COL2A1: variants seen among roughly 807,000 people sequenced by gnomAD.
COL2A1 encodes the protein collagen type II alpha 1 chain.
Under a neutral mutation model 204.5 loss-of-function variants are expected in COL2A1, and 28 were observed. The ratio of observed to expected loss-of-function variants is 0.14; its 90% CI spans 0.10 to 0.19. The LOEUF (loss-of-function observed/expected upper bound fraction) is 0.19. COL2A1 is among the 10% of genes least tolerant of loss of function. The pLI is 1.00. For synonymous variants in COL2A1, 708 were observed against 718.7 expected (o/e 0.99, Z 0.24); for missense variants, 1,388 against 2,027.5 (o/e 0.68, Z 6.06).
intron 53 of COL2A1, 126 bp downstream of exon 53, chr12:47,973,963 A>G: frequency 7.5e-7 from 1 of 1,335,104 alleles, no homozygotes. Context: ...TCTCTACATG[A>G]CCCTCAAACT....
chr12:47,975,658 T>C (rs1234912633), intron 50 of COL2A1, 53 bp from the exon 51 acceptor site: 12 of 1,570,006 alleles, frequency 7.6e-6, no homozygotes, highest in Non-Finnish European at 1.0e-5. Context: ...TGCCCCTCCA[T>C]GTCCATCCCC....
chr12:47,992,854 T>C (rs780790614), intron 16 of COL2A1, 24 bp downstream of exon 16: 4 of 1,613,198 alleles, frequency 2.5e-6, no homozygotes, highest in Non-Finnish European at 3.4e-6. Context: ...CAAATGGTGG[T>C]GTTTGGCTTT....
intron 17 of COL2A1, among the ~76,000 whole-genome samples, 159 bp from the exon 18 acceptor site, chr12:47,989,440 C>T (rs745460669): frequency 2.0e-5 from 3 of 152,166 alleles, no homozygotes; most frequent in Non-Finnish European, 2.9e-5. Flanking sequence ...CCATTGCCAG[C>T]GTCCCCAGGA....
chr12:47,991,472 G>A (rs1223177936), intron 16 of COL2A1, among the ~76,000 whole-genome samples: 1 of 152,168 alleles, frequency 6.6e-6, no homozygotes, highest in African/African-American at 2.4e-5. Context: ...GCCCCCTTCT[G>A]GAAGTCAAGG....
intron 14 of COL2A1, 61 bp downstream of exon 14, chr12:47,993,748 G>A: frequency 1.3e-6 from 2 of 1,575,354 alleles, no homozygotes; most frequent in South Asian, 2.2e-5. Flanking sequence ...TCCCTGGCTA[G>A]GAAGAGGGGC....
In COL2A1 at chr12:47,975,737, G is replaced by A. The variant is rs1410855888; in HGVS notation, c.3598-132C>T. On this transcript the variant is annotated intron_variant, in intron 50 of 53. Coordinates refer to ENST00000380518, the MANE Select transcript of COL2A1 (RefSeq NM_001844.5). ...GGTGGGGCGGAGGTGTAGCAGGCGAGGACCAAGGAAACCACAGCACCATGT... is the reference window on the plus strand; with the variant it reads ...GGTGGGGCGGAGGTGTAGCAGGCGAAGACCAAGGAAACCACAGCACCATGT... The A allele has an allele frequency of 1.2e-5, 12 of 1,010,320 alleles. No individual in the cohort carries two copies. The South Asian group carries it at 1.7e-4, about 15-fold the overall frequency. 62.6% of individuals were successfully genotyped at this position (1,010,320 alleles called of 1,614,324 possible). A position where few individuals can be genotyped will look rare whatever the true frequency, so the allele number is the denominator to read the frequency against.
rs1240111200 is a variant in COL2A1, at chr12:47,989,825, G to A, written c.1024-20C>T. ...GGCACCCTGTGAGCAAGAAGGAAGT[G>A]ACCATGAGAGGTGCCCACAGGCCCT... On this transcript the variant is annotated intron_variant, in intron 16 of 53. Coordinates refer to ENST00000380518, the MANE Select transcript of COL2A1 (RefSeq NM_001844.5). 10 of 1,612,250 alleles carry A rather than the reference G, an allele frequency of 6.2e-6. No individual in the cohort carries two copies. Among genetic ancestry groups the A allele is most frequent in the South Asian group, 1.1e-5 (1 of 91,062 alleles).
chr12:47,991,327 A>G (rs956331549), intron 16 of COL2A1, among the ~76,000 whole-genome samples: 1 of 152,174 alleles, frequency 6.6e-6, no homozygotes, highest in Non-Finnish European at 1.5e-5. Flanking sequence ...ATACAGGCCC[A>G]AGGGAGGGCA....
chr12:47,992,688 TTCCTA>T (rs759654318), intron 16 of COL2A1, among the ~76,000 whole-genome samples, 185 bp downstream of exon 16: 3 of 152,200 alleles, frequency 2.0e-5, no homozygotes, highest in Non-Finnish European at 4.4e-5. Context: ...GACCCTCCCA[TTCCTA>T]TCCTTCCTCC....
At position 47,973,521 on chromosome 12, in the gene COL2A1, G is replaced by A. The variant is rs137948104; in HGVS notation, c.4350C>T (p.Ile1450=). ...KHTGKWGKTV[I]EYRSQKTSRL... ...GTGAGGTCTTCTGTGACCGGTACTCGATAACAGTCTTGCCCCACTTACCGG... is the reference window on the plus strand; with the variant it reads ...GTGAGGTCTTCTGTGACCGGTACTCAATAACAGTCTTGCCCCACTTACCGG... The change falls in exon 54 of 54, where the codon ATC becomes ATT. Residue 1450 remains isoleucine (I), a synonymous_variant. Coordinates refer to ENST00000380518, the MANE Select transcript of COL2A1 (RefSeq NM_001844.5). 162 of 1,614,080 alleles carry A rather than the reference G, an allele frequency of 1.0e-4. 2 individuals carry two copies. In the African/African-American group the frequency reaches 1.8e-3, roughly 18 times the overall value.
chr12:47,999,368 C>T, intron 2 of COL2A1, among the ~76,000 whole-genome samples: 1 of 152,200 alleles, frequency 6.6e-6, no homozygotes, highest in Non-Finnish European at 1.5e-5. Context: ...TATTTTGCTT[C>T]TGAATTAATG....
chr12:47,978,159 C>A lies in COL2A1; in HGVS notation c.3004-42G>T. On this transcript the variant is annotated intron_variant, in intron 43 of 53. Transcript: ENST00000380518. The surrounding 1 kb of genome is among the most constrained non-coding windows in gnomAD (Gnocchi z 5.5). ...AAGGATGATGAGTGCAAGTGGTAAG[C>A]ACCCCTGCCCAGGGCCCACTGACCC... The A allele has an allele frequency of 2.5e-6, 4 of 1,591,762 alleles. No individual in the cohort carries two copies. The highest frequency in any genetic ancestry group is 3.4e-6 in the Non-Finnish European group (4 of 1,165,060).
intron 18 of COL2A1, chr12:47,988,557 G>A (rs368215674): frequency 7.5e-4 from 118 of 156,960 alleles, no homozygotes; most frequent in African/African-American, 2.4e-3. Flanking sequence ...TCCTTCACCC[G>A]GCTCCGGGAC....
rs553113384 is a variant in COL2A1, at chr12:47,991,039, A to T, written c.1024-1234T>A. Among the ~76,000 whole-genome samples the T allele has an allele frequency of 1.3e-4, 20 of 152,348 alleles. No individual in the cohort carries two copies. In the South Asian group the frequency reaches 3.5e-3, roughly 27 times the overall value. On this transcript the variant is annotated intron_variant, in intron 16 of 53. Transcript: ENST00000380518. ...GGCTGGGGTCCATTTCTCCTAACGG[A>T]GACTCTCCAGATTGGCATTTAAGAG...
intron 34 of COL2A1, 133 bp downstream of exon 34, chr12:47,982,369 G>A (rs73297185): frequency 1.3e-5 from 11 of 839,170 alleles, no homozygotes; most frequent in African/African-American, 8.4e-5. Flanking sequence ...TTGGAAAGGA[G>A]TCTTTAAGCT....
chr12:47,989,306 G>C, intron 17 of COL2A1, 25 bp from the exon 18 acceptor site: 1 of 1,607,980 alleles, frequency 6.2e-7, no homozygotes, highest in South Asian at 1.1e-5. Flanking sequence ...CGGATGAGAA[G>C]AGAGGTGAAT....
At chr12:47,989,441 G>A (rs1433136436) in intron 17 of COL2A1, among the ~76,000 whole-genome samples, 160 bp from the exon 18 acceptor site, 2 of 152,060 alleles carry the variant, frequency 1.3e-5, no homozygotes, top group African/African-American at 2.4e-5. Flanking sequence ...CATTGCCAGC[G>A]TCCCCAGGAA....
In COL2A1 at chr12:47,977,307, T is replaced by G. The variant is rs2136520947; in HGVS notation, c.3273+13A>C. 1 of 1,609,348 alleles carries G rather than the reference T, an allele frequency of 6.2e-7. No homozygotes were observed. Among genetic ancestry groups the G allele is most frequent in the Middle Eastern group, 1.7e-4 (1 of 6,052 alleles). ...CAGGGGAAGGCGGCTTTTACTGAATTCAGGATACTTACAGCTTCTCCTCTG... is the reference window on the plus strand; with the variant it reads ...CAGGGGAAGGCGGCTTTTACTGAATGCAGGATACTTACAGCTTCTCCTCTG... On this transcript the variant is annotated intron_variant, in intron 46 of 53. Coordinates refer to ENST00000380518, the MANE Select transcript of COL2A1 (RefSeq NM_001844.5).
At position 47,982,087 on chromosome 12, in the gene COL2A1, A is replaced by G. The variant is rs771885523; in HGVS notation, c.2355+20T>C. The G allele has an allele frequency of 4.3e-6, 7 of 1,612,818 alleles. No individual in the cohort carries two copies. The highest frequency in any genetic ancestry group is 5.9e-6 in the Non-Finnish European group (7 of 1,178,826). On this transcript the variant is annotated intron_variant, in intron 35 of 53. Coordinates refer to ENST00000380518, the MANE Select transcript of COL2A1 (RefSeq NM_001844.5). Reference sequence around the variant, plus strand: ...CTAGGATCCTAATGCCCAGCAGTCCAGCAGCCCGCATTCACTTACTCGTCC... The same window carrying G: ...CTAGGATCCTAATGCCCAGCAGTCCGGCAGCCCGCATTCACTTACTCGTCC...
Sources: gnomAD v4.1 joint callset for allele counts (sites outside exome capture counted in the v4.1 genomes callset) on GRCh38, gnomAD v4.1.1 for gene constraint, Gnocchi (gnomAD v3.1) non-coding constraint, MANE v1.5 for transcripts, NCBI Gene and HGNC (gene_info 2026-07-23, HGNC 2026-07-21) for gene names.